The following HMGCL variants were observed in gnomAD, a reference collection of about 807,000 sequenced individuals.
HMGCL encodes 3-hydroxy-3-methylglutaryl-CoA lyase.
A neutral mutation model predicts 37.3 loss-of-function variants in HMGCL; 26 were observed. The ratio of observed to expected loss-of-function variants is 0.70; its 90% confidence interval spans 0.51 to 0.97. HMGCL has a LOEUF of 0.97. Among genes scored for constraint, HMGCL ranks in the 50% least tolerant of loss-of-function variants. The probability of loss-of-function intolerance (pLI) is 0.00; values close to 1 mark genes in which losing one functional copy is unlikely to be tolerated. For missense variants in HMGCL, 379 were observed against 398.1 expected (o/e 0.95, Z 0.41); for synonymous variants, 151 against 148.0 (o/e 1.02, Z -0.15).
At chr1:23,818,821 C>T (rs190854709) in intron 2 of HMGCL, among the ~76,000 whole-genome samples, 2 of 151,984 alleles carry the variant, frequency 1.3e-5, no homozygotes, top group Non-Finnish European at 2.9e-5. Context: ...GCCAGTATTA[C>T]AGGCATGAGC....
intron 6 of HMGCL, chr1:23,809,273 C>T (rs551896781): frequency 7.5e-6 from 1 of 132,646 alleles, no homozygotes; most frequent in Admixed American, 8.3e-5. Context: ...GAGTCTCCCT[C>T]TGTTGCCCAG....
rs954333232 is a variant in HMGCL at position 23,821,311 on chromosome 1, C to T, written c.61-718G>A. On this transcript the variant is annotated intron_variant, in intron 1 of 8. Transcript: ENST00000374490. ...GGTGGAAGTTGCAATGAGCCAAGAT[C>T]GTGCCACTGTACTCCACCTTGGGCG... Among the ~76,000 whole-genome samples, 94 of 150,950 alleles carry T rather than the reference C, an allele frequency of 6.2e-4. 1 individual carries two copies. Among genetic ancestry groups the T allele is most frequent in the African/African-American group, 2.2e-3 (89 of 41,048 alleles).
chr1:23,805,128 C>G (rs911855968), intron 7 of HMGCL, among the ~76,000 whole-genome samples: 3 of 152,146 alleles, frequency 2.0e-5, no homozygotes, highest in Admixed American at 6.5e-5. Context: ...ACCCACCTGC[C>G]TACATCTGGG....
rs61743700 is a variant in HMGCL at position 23,810,748 on chromosome 1, A to T, written c.549T>A (p.Ala183=). Residue 183 remains alanine (A), a synonymous_variant, in exon 6 of 9, where the codon GCT becomes GCA. Transcript: ENST00000374490. Reference sequence around the variant, plus strand: ...CACATGCACACACCTCAGCTACTTTAGCTGGGGAGATCTTCCCTTCATAAG... The same window carrying T: ...CACATGCACACACCTCAGCTACTTTTGCTGGGGAGATCTTCCCTTCATAAG... The part of the protein sequence containing the change: ...GCPYEGKISP[A]KVAEVTKKFY... 3.1e-6 allele frequency: 5 copies of T among 1,613,926 alleles called. No homozygotes were observed. The African/African-American group carries it at 6.7e-5, about 22-fold the overall frequency.
chr1:23,819,848 G>A (rs765460989), intron 2 of HMGCL, among the ~76,000 whole-genome samples: 9 of 150,776 alleles, frequency 6.0e-5, no homozygotes, highest in Admixed American at 2.0e-4. Context: ...ACAGGCATGA[G>A]CCACCACCAT....
chr1:23,812,421 A>G (rs1294813926), intron 5 of HMGCL, among the ~76,000 whole-genome samples: 2 of 152,078 alleles, frequency 1.3e-5, no homozygotes, highest in African/African-American at 4.8e-5. Flanking sequence ...CAGTGGCATG[A>G]TTTTGGCTCA....
intron 2 of HMGCL, among the ~76,000 whole-genome samples, chr1:23,818,886 G>A (rs1310680173): frequency 1.3e-5 from 2 of 151,790 alleles, no homozygotes; most frequent in Non-Finnish European, 2.9e-5. Flanking sequence ...TGCAGGCATT[G>A]TGCTAGGTGC....
In HMGCL at chr1:23,801,888, T is replaced by C. The variant is rs937099568; in HGVS notation, c.*575A>G. On this transcript the variant is annotated 3_prime_UTR_variant, in exon 9 of 9. Coordinates refer to ENST00000374490, the MANE Select transcript of HMGCL (RefSeq NM_000191.3). ...GCTGCACAACCGAATGCTGGAATTA[T>C]GATGTGCCATTCAACCTTTAATTAC... 14 of 416,026 alleles carry C rather than the reference T, an allele frequency of 3.4e-5. No individual in the cohort carries two copies. The highest frequency in any genetic ancestry group is 2.7e-4 in the African/African-American group (13 of 49,048). The allele number at this position is 416,026 out of a possible 1,614,324, so 25.8% of individuals were successfully genotyped here.
chr1:23,817,437 T>TG, intron 3 of HMGCL, 39 bp downstream of exon 3: 1 of 1,206,186 alleles, frequency 8.3e-7, no homozygotes, highest in Non-Finnish European at 1.2e-6. Context: ...AAACTTTTCA[T>TG]CCCTAGAGAA....
At chr1:23,815,003 C>G (rs1031954602) in intron 4 of HMGCL, among the ~76,000 whole-genome samples, 6 of 151,750 alleles carry the variant, frequency 4.0e-5, no homozygotes, top group Non-Finnish European at 8.8e-5. Context: ...GTCAGGAGAT[C>G]GAGACCATCC....
At position 23,802,468 on chromosome 1, in the gene HMGCL, G is replaced by C. The variant is rs1638300869; in HGVS notation, c.973C>G (p.Leu325Val). ...GCTTCAGGTGGGCAAGGGGCTCAGA[G>C]TTTACAGGTAGCCTGAGCCACTTTG... ...SSKVAQATCKL is the reference protein window; with the variant it reads ...SSKVAQATCKV The change falls in exon 9 of 9, where the codon CTC (leucine) becomes GTC (valine). Residue 325 changes from leucine (L) to valine (V), a missense_variant. Coordinates refer to ENST00000374490, the MANE Select transcript of HMGCL (RefSeq NM_000191.3). 6.2e-7 allele frequency: 1 copy of C among 1,604,538 alleles called. No homozygotes were observed. The highest frequency in any genetic ancestry group is 8.5e-7 in the Non-Finnish European group (1 of 1,171,362).
intron 4 of HMGCL, among the ~76,000 whole-genome samples, chr1:23,816,089 T>A (rs1005390238): frequency 1.6e-4 from 1 of 6,412 alleles, no homozygotes; most frequent in Non-Finnish European, 2.0e-3. Context: ...AGCTAATTGA[T>A]TTTTTTTTTT....
chr1:23,811,272 T>C (rs1638515375), intron 5 of HMGCL, among the ~76,000 whole-genome samples: 1 of 152,128 alleles, frequency 6.6e-6, no homozygotes, highest in Non-Finnish European at 1.5e-5. Flanking sequence ...GCTGCCCCAG[T>C]GAGATGCTAG....
chr1:23,807,301 A>T (rs762123825), intron 7 of HMGCL: 10 of 513,864 alleles, frequency 1.9e-5, no homozygotes, highest in Non-Finnish European at 3.9e-5. Flanking sequence ...AAATGAGGAG[A>T]CCACAGAACT....
Position 23,820,564 on chromosome 1 carries a change from T to C in HMGCL, c.90A>G (p.Pro30=), listed in dbSNP as rs767787302. The change falls in exon 2 of 9, where the codon CCA becomes CCG. Residue 30 remains proline (P), a synonymous_variant. Transcript: ENST00000374490. The stretch of plus-strand genomic sequence containing the variant: ...CAACTTCCACAATTTTCACCCGCTT[T>C]GGTAAAGTGCCCATAGATGAGGTGC... ...AVSTSSMGTL[P]KRVKIVEVGP... 5.0e-6 allele frequency: 8 copies of C among 1,614,030 alleles called. No individual in the cohort carries two copies. The highest frequency in any genetic ancestry group is 6.8e-6 in the Non-Finnish European group (8 of 1,179,982).
intron 6 of HMGCL, chr1:23,809,376 C>T (rs916942161): frequency 1.3e-5 from 2 of 150,924 alleles, no homozygotes; most frequent in Non-Finnish European, 3.0e-5. Context: ...GTAGCTGGGA[C>T]TACCGGCGCC....
chr1:23,810,202 G>A (rs1638493356), intron 6 of HMGCL: 1 of 169,920 alleles, frequency 5.9e-6, no homozygotes, highest in South Asian at 1.2e-4. Flanking sequence ...AATGGGGTTT[G>A]ATACCTGATT....
chr1:23,818,554 A>G (rs1261629945), intron 2 of HMGCL, among the ~76,000 whole-genome samples: 1 of 151,750 alleles, frequency 6.6e-6, no homozygotes, highest in South Asian at 2.1e-4. Context: ...TCTTTCCACA[A>G]AATTTTTTTT....
In HMGCL at chr1:23,808,317, T is replaced by C. The variant is rs758061295; in HGVS notation, c.568A>G (p.Lys190Glu). ...TAGCAGCCCATTGAGTAGAACTTCTTGGTGACCTAAGGAAGCAAGCAGGCA... is the reference window on the plus strand; with the variant it reads ...TAGCAGCCCATTGAGTAGAACTTCTCGGTGACCTAAGGAAGCAAGCAGGCA... Reference protein sequence around the residue: ...ISPAKVAEVTKKFYSMGCYEI... With the variant: ...ISPAKVAEVTEKFYSMGCYEI... Residue 190 changes from lysine (K) to glutamate (E), a missense_variant, in exon 7 of 9, where the codon AAG becomes GAG. Physicochemically the swap from Lys to Glu is moderately conservative, Grantham distance 56. Transcript: ENST00000374490. 6.2e-7 allele frequency: 1 copy of C among 1,613,936 alleles called. No individual in the cohort carries two copies. Among genetic ancestry groups the C allele is most frequent in the South Asian group, 1.1e-5 (1 of 91,078 alleles).
Sources: allele counts gnomAD v4.1 joint callset (sites outside exome capture counted in the v4.1 genomes callset), GRCh38; gene constraint gnomAD v4.1.1; transcripts MANE v1.5; gene names NCBI Gene and HGNC (gene_info 2026-07-23, HGNC 2026-07-21).